The following TEX14 variants were observed in gnomAD, a reference collection of about 807,000 sequenced individuals.
TEX14 encodes inactive serine/threonine-protein kinase TEX14.
Under a neutral mutation model 178.6 loss-of-function variants are expected in TEX14, and 168 were observed. The ratio of observed to expected loss-of-function variants is 0.94; its 90% CI spans 0.83 to 1.07. The LOEUF (loss-of-function observed/expected upper bound fraction) is 1.07, where lower values mean the gene tolerates loss of function less well. TEX14 is among the 50% of genes least tolerant of loss of function. The pLI, the probability that TEX14 is intolerant of heterozygous loss-of-function variation, is 0.00. For synonymous variants in TEX14, 626 were observed against 634.1 expected, an observed-to-expected ratio of 0.99 and a Z score of 0.19; for missense variants, 1,730 against 1,753.6, an observed-to-expected ratio of 0.99 and a Z score of 0.24.
chr17:58,596,847 C>T (rs1020688698), intron 14 of TEX14, among the ~76,000 whole-genome samples: 4 of 152,082 alleles, frequency 2.6e-5, no homozygotes, highest in Admixed American at 6.6e-5. Context: ...GGGTCTGAGG[C>T]GGGAGGATCG....
chr17:58,558,967 C>T (rs1199601543), intron 30 of TEX14, among the ~76,000 whole-genome samples: 8 of 151,984 alleles, frequency 5.3e-5, no homozygotes, highest in African/African-American at 1.9e-4. Context: ...GTCAAGAGAT[C>T]GAGACCATCC....
chr17:58,559,515 CT>C lies in TEX14; in HGVS notation c.4204del (p.Arg1402GlyfsTer16). On this transcript the variant is annotated frameshift_variant, in exon 30 of 32. Transcript: ENST00000349033. LOFTEE classifies it high-confidence loss of function. Reference sequence around the variant, plus strand: ...TCTTTCTGGTGTAATGCTATCTTCCCTTTTTCTTTTCTCTTCACCAACTTTT... The same window carrying C: ...TCTTTCTGGTGTAATGCTATCTTCCCTTTTCTTTTCTCTTCACCAACTTTT... ...DQKVGEEKRK[R>X]EDSITPERRK... is the part of the protein sequence containing the mutation. 1 of 1,578,572 alleles carries C rather than the reference CT, an allele frequency of 6.3e-7. No homozygotes were observed. Among genetic ancestry groups the C allele is most frequent in the Non-Finnish European group, 8.7e-7 (1 of 1,149,006 alleles).
In TEX14 at chr17:58,623,004, A is replaced by C. The variant is rs2046036557; in HGVS notation, c.260T>G (p.Phe87Cys). 1 of 1,591,234 alleles carries C rather than the reference A, an allele frequency of 6.3e-7. No individual in the cohort carries two copies. The highest frequency in any genetic ancestry group is 8.6e-7 in the Non-Finnish European group (1 of 1,160,986). The stretch of plus-strand genomic sequence containing the variant: ...TGCATGGACAGGGGTGCTCCCATCA[A>C]AGCAGCGGCTGGGGAGGGAGATGAG... ...DYGSDPNHRC[F>C]DGSTPVHAAA... The change falls in exon 4 of 32, where the codon TTT (phenylalanine) becomes TGT (cysteine). Residue 87 changes from phenylalanine (F) to cysteine (C), a missense_variant. Phe to Cys is a radical substitution (Grantham distance 205). This residue lies in a region of TEX14 where 789 missense variants were observed against 681.2 expected (regional missense o/e 1.16). Transcript: ENST00000349033.
chr17:58,602,649 G>C (rs1031999068), intron 11 of TEX14, 59 bp from the exon 12 acceptor site: 1 of 1,411,108 alleles, frequency 7.1e-7, no homozygotes, highest in East Asian at 2.3e-5. Context: ...GGAGTGGGGG[G>C]AAAAGAAATC....
At chr17:58,571,344 TC>T (rs1226396354) in intron 24 of TEX14, among the ~76,000 whole-genome samples, 1 of 149,526 alleles carries the variant, frequency 6.7e-6, no homozygotes, top group Non-Finnish European at 1.5e-5. Flanking sequence ...CAGGTAATCC[TC>T]CCACCTCAGC....
In TEX14 at chr17:58,602,582, G is replaced by T. The variant is rs1481323050; in HGVS notation, c.1345C>A (p.Pro449Thr). ...ACTGAGCCATCTAAGCCCTTCCAGG[G>T]TATGTCATCTGTAAGGAAAAAGTCA... ...IMQEILTDDI[P>T]WKGLDGSVVK... The change falls in exon 12 of 32, where the codon CCC (proline) becomes ACC (threonine). Residue 449 changes from proline (P) to threonine (T), a missense_variant. Pro to Thr is a conservative substitution (Grantham distance 38, BLOSUM62 -1). Coordinates refer to ENST00000349033, the MANE Select transcript of TEX14 (RefSeq NM_031272.5). The T allele has an allele frequency of 6.2e-7, 1 of 1,609,894 alleles. No homozygotes were observed. Among genetic ancestry groups the T allele is most frequent in the Non-Finnish European group, 8.5e-7 (1 of 1,177,842 alleles).
chr17:58,575,113 C>CTT (rs200915772), intron 21 of TEX14, among the ~76,000 whole-genome samples: 17 of 135,518 alleles, frequency 1.3e-4, no homozygotes, highest in Admixed American at 2.2e-4. Flanking sequence ...CATGTTTTCA[C>CTT]TTTTTTTTTT....
intron 2 of TEX14, among the ~76,000 whole-genome samples, chr17:58,639,613 T>C (rs988140838): frequency 1.3e-5 from 2 of 151,854 alleles, no homozygotes; most frequent in Non-Finnish European, 2.9e-5. Flanking sequence ...GGCAGGAGAA[T>C]CGCTTGAACC....
intron 22 of TEX14, 40 bp downstream of exon 22, chr17:58,574,145 CTT>C (rs772904101): frequency 1.3e-5 from 20 of 1,516,790 alleles, no homozygotes; most frequent in Non-Finnish European, 1.6e-5. Flanking sequence ...AAAACCAAGA[CTT>C]TACACAAGCA....
At chr17:58,587,461 G>A (rs1271900877) in intron 17 of TEX14, 120 bp downstream of exon 17, 1 of 566,212 alleles carries the variant, frequency 1.8e-6, no homozygotes, top group Non-Finnish European at 3.0e-6. Context: ...AAAAAATTCA[G>A]AAGGACATTG....
chr17:58,556,903 G>T lies in TEX14; in HGVS notation c.*108C>A. ...GCAGCTGAACAAAGTGAGACTTACA[G>T]AACTGGAACTGCTGCCCTGACAGCA... On this transcript the variant is annotated 3_prime_UTR_variant, in exon 32 of 32. Transcript: ENST00000349033. 2 of 904,996 alleles carry T rather than the reference G, an allele frequency of 2.2e-6. No homozygotes were observed. Among genetic ancestry groups the T allele is most frequent in the Non-Finnish European group, 3.7e-6 (2 of 539,796 alleles). The allele number at this position is 904,996 out of a possible 1,614,324, so 56.1% of individuals were successfully genotyped here. A position where few individuals can be genotyped will look rare whatever the true frequency, so the allele number is the denominator to read the frequency against.
In TEX14 at chr17:58,611,343, C is replaced by A; in HGVS notation, c.1006-4G>T. ...GCAGCACTGGGAACTGGGACCGCTG[C>A]AAGCAAGAGATGAAATGCCACGAAA... On this transcript the variant is annotated splice_region_variant and splice_polypyrimidine_tract_variant and intron_variant, in intron 9 of 31. Coordinates refer to ENST00000349033, the MANE Select transcript of TEX14 (RefSeq NM_031272.5). 1.3e-6 allele frequency: 2 copies of A among 1,599,712 alleles called. No homozygotes were observed. Among genetic ancestry groups the A allele is most frequent in the African/African-American group, 2.7e-5 (2 of 74,370 alleles).
intron 3 of TEX14, among the ~76,000 whole-genome samples, chr17:58,624,942 TAC>T (rs1338817061): frequency 2.6e-5 from 4 of 152,166 alleles, no homozygotes; most frequent in African/African-American, 9.6e-5. Context: ...CCCCTGGTGA[TAC>T]TAAAGAGGCT....
chr17:58,621,692 C>T lies in TEX14; in HGVS notation c.512G>A (p.Arg171Gln), dbSNP rs754550862. The T allele has an allele frequency of 3.3e-5, 54 of 1,614,058 alleles. No individual in the cohort carries two copies. Among genetic ancestry groups the T allele is most frequent in the Middle Eastern group, 1.6e-4 (1 of 6,082 alleles). Residue 171 changes from arginine (R) to glutamine (Q), a missense_variant, in exon 5 of 32, where the codon CGG becomes CAG. Coordinates refer to ENST00000349033, the MANE Select transcript of TEX14 (RefSeq NM_031272.5). ...DLLKKIDSPQ[R>Q]LVYSPSWCGG... ...ACACCAGGACGGGCTGTAGACAAGCCGCTGCGGGGAGTCTATCTTCTTCAG... is the reference window on the plus strand; with the variant it reads ...ACACCAGGACGGGCTGTAGACAAGCTGCTGCGGGGAGTCTATCTTCTTCAG...
intron 5 of TEX14, among the ~76,000 whole-genome samples, chr17:58,621,216 T>C (rs1190365926): frequency 2.0e-5 from 3 of 152,160 alleles, no homozygotes; most frequent in Non-Finnish European, 4.4e-5. Flanking sequence ...AAGTCTCTCG[T>C]ATCAGCTGAA....
chr17:58,681,488 A>G (rs1328923491), intron 1 of TEX14, among the ~76,000 whole-genome samples: 1 of 152,102 alleles, frequency 6.6e-6, no homozygotes, highest in South Asian at 2.1e-4. Flanking sequence ...ATATACATAC[A>G]CACATATGTA....
At chr17:58,673,862 G>A (rs866289360) in intron 1 of TEX14, among the ~76,000 whole-genome samples, 17 of 152,234 alleles carry the variant, frequency 1.1e-4, no homozygotes, top group Middle Eastern at 6.8e-3. Context: ...GCCACCCCAC[G>A]TGGCTTCTCT....
chr17:58,648,999 G>A (rs1598417126), intron 2 of TEX14, among the ~76,000 whole-genome samples: 2 of 149,696 alleles, frequency 1.3e-5, no homozygotes, highest in African/African-American at 4.9e-5. Context: ...CCGTGGTCTC[G>A]ATCTCCTGAC....
intron 3 of TEX14, among the ~76,000 whole-genome samples, chr17:58,623,793 A>G: frequency 7.4e-6 from 1 of 135,022 alleles, no homozygotes; most frequent in Admixed American, 7.6e-5. Flanking sequence ...GAAGGAGAAG[A>G]TGAAGAAGAG....
Sources: gnomAD v4.1 joint callset for allele counts (sites outside exome capture counted in the v4.1 genomes callset) on GRCh38, gnomAD v4.1.1 for gene constraint, gnomAD v4.1.1 regional missense constraint, MANE v1.5 for transcripts, NCBI Gene and HGNC (gene_info 2026-07-23, HGNC 2026-07-21) for gene names.